The following TLN2 variants were observed in gnomAD, a reference collection of about 807,000 sequenced individuals.
TLN2 encodes the protein talin 2.
Under a neutral mutation model 294.7 loss-of-function variants are expected in TLN2, and 118 were observed. The ratio of observed to expected loss-of-function variants is 0.40; its 90% CI spans 0.34 to 0.47. The LOEUF is 0.47. Ranked by LOEUF, TLN2 falls within the 20% of genes least tolerant of loss-of-function variation. The probability of loss-of-function intolerance (pLI) is 0.84; values close to 1 mark genes in which losing one functional copy is unlikely to be tolerated. For synonymous variants in TLN2, 1,431 were observed against 1,304.5 expected (o/e 1.10, Z -2.09); for missense variants, 3,083 against 3,282.2 (o/e 0.94, Z 1.48).
At chr15:62,755,283 C>A in intron 36 of TLN2, 1 of 438,338 alleles carries the variant, frequency 2.3e-6, no homozygotes, top group East Asian at 4.3e-5. Flanking sequence ...TTTAAGACTA[C>A]CTGGGGCTCA....
Position 62,456,993 on chromosome 15 carries a change from C to T in TLN2, c.-238+66308C>T, listed in dbSNP as rs1016539099. Among the ~76,000 whole-genome samples the T allele has an allele frequency of 9.2e-5, 14 of 152,298 alleles. 1 individual carries two copies. Among genetic ancestry groups the T allele is most frequent in the Admixed American group, 7.8e-4 (12 of 15,304 alleles). ...GTGCCTCACAAGCTACTTTTTACAA[C>T]CTGTGAATGCTTGACACACTGTTTA... On this transcript the variant is annotated intron_variant, in intron 1 of 58. Coordinates refer to ENST00000636159, the MANE Select transcript of TLN2 (RefSeq NM_015059.3).
chr15:62,711,305 A>G (rs770131658), intron 21 of TLN2, among the ~76,000 whole-genome samples: 1 of 152,226 alleles, frequency 6.6e-6, no homozygotes, highest in African/African-American at 2.4e-5. Flanking sequence ...ATAATGCAAG[A>G]TCAAAATCAG....
At chr15:62,730,014 T>C (rs1045329245) in intron 28 of TLN2, among the ~76,000 whole-genome samples, 3 of 148,918 alleles carry the variant, frequency 2.0e-5, no homozygotes, top group African/African-American at 7.4e-5. Context: ...TTTCTTTCAA[T>C]TATTTTATTG....
intron 1 of TLN2, among the ~76,000 whole-genome samples, chr15:62,540,713 C>G (rs1036566464): frequency 1.3e-5 from 2 of 152,002 alleles, no homozygotes; most frequent in African/African-American, 4.8e-5. Context: ...TGCAATGGGC[C>G]TTTCTGCCTA....
At chr15:62,425,567 G>A (rs1257114042) in intron 1 of TLN2, among the ~76,000 whole-genome samples, 1 of 152,208 alleles carries the variant, frequency 6.6e-6, no homozygotes, top group Non-Finnish European at 1.5e-5. Context: ...TTACCAAGAG[G>A]ACTGGGAGAA....
intron 1 of TLN2, among the ~76,000 whole-genome samples, chr15:62,586,800 T>C (rs2045647770): frequency 6.6e-6 from 1 of 152,252 alleles, no homozygotes; most frequent in African/African-American, 2.4e-5. Flanking sequence ...CCCTTGTTAG[T>C]CAGGAATGAA....
chr15:62,726,299 A>T (rs1408412169), intron 27 of TLN2, among the ~76,000 whole-genome samples: 2 of 152,204 alleles, frequency 1.3e-5, no homozygotes, highest in Non-Finnish European at 2.9e-5. Flanking sequence ...ATTGGAAAGC[A>T]TTGCCTCTCT....
rs371925882 is a variant in TLN2, at chr15:62,800,361, C to G, written c.6235-7C>G. Reference sequence around the variant, plus strand: ...CCTGCTCACCTGAGTTCTGTGCTCTCTTTCAGGTGGTTTTGATCAATGCCA... The same window carrying G: ...CCTGCTCACCTGAGTTCTGTGCTCTGTTTCAGGTGGTTTTGATCAATGCCA... On this transcript the variant is annotated splice_polypyrimidine_tract_variant and splice_region_variant and intron_variant, in intron 48 of 58. Coordinates refer to ENST00000636159, the MANE Select transcript of TLN2 (RefSeq NM_015059.3). The G allele has an allele frequency of 6.2e-7, 1 of 1,613,234 alleles. No homozygotes were observed. Among genetic ancestry groups the G allele is most frequent in the African/African-American group, 1.3e-5 (1 of 74,918 alleles).
At chr15:62,685,899 C>G (rs931450047) in intron 11 of TLN2, among the ~76,000 whole-genome samples, 1 of 152,032 alleles carries the variant, frequency 6.6e-6, no homozygotes, top group Non-Finnish European at 1.5e-5. Flanking sequence ...GCATATTAAT[C>G]GTTTCCTTTA....
intron 1 of TLN2, among the ~76,000 whole-genome samples, chr15:62,400,597 A>G (rs2032944304): frequency 6.6e-6 from 1 of 152,134 alleles, no homozygotes; most frequent in South Asian, 2.1e-4. Context: ...CATGTCATAC[A>G]TGCATATTCA....
At chr15:62,762,240 C>A (rs2030040) in intron 38 of TLN2, 32 bp from the exon 39 acceptor site, 25 of 1,612,410 alleles carry the variant, frequency 1.6e-5, no homozygotes, top group South Asian at 5.5e-5. Context: ...GTCTTCGACC[C>A]TGACTTTGAT....
At chr15:62,619,713 G>C (rs763938473) in intron 3 of TLN2, among the ~76,000 whole-genome samples, 1 of 152,200 alleles carries the variant, frequency 6.6e-6, no homozygotes, top group Non-Finnish European at 1.5e-5. Context: ...GGCATGTGAA[G>C]ATGGAGCCCC....
chr15:62,455,459 G>C (rs533335365), intron 1 of TLN2, among the ~76,000 whole-genome samples: 1 of 152,302 alleles, frequency 6.6e-6, no homozygotes, highest in East Asian at 1.9e-4. Context: ...GTTGGTTAAA[G>C]ACTGGGGCAC....
chr15:62,812,118 G>A (rs1157141951), intron 52 of TLN2, among the ~76,000 whole-genome samples: 1 of 152,150 alleles, frequency 6.6e-6, no homozygotes, highest in Non-Finnish European at 1.5e-5. Flanking sequence ...CGGTGGGCTT[G>A]CAGCAGCAGT....
chr15:62,605,652 T>G (rs1361436561), intron 2 of TLN2, among the ~76,000 whole-genome samples: 1 of 152,162 alleles, frequency 6.6e-6, no homozygotes, highest in Non-Finnish European at 1.5e-5. Context: ...GCCTCCTCCA[T>G]GGGGAGATCT....
Position 62,836,059 on chromosome 15 carries a change from A to G in TLN2, c.7360A>G (p.Met2454Val), listed in dbSNP as rs981322612. ...GAAGGCCGACCAGGATTCAGAGGCC[A>G]TGAGGCGGCTACAGGTAATGGTCAC... ...KVKADQDSEAMRRLQAAGNAV... is the reference protein window; with the variant it reads ...KVKADQDSEAVRRLQAAGNAV... Residue 2454 changes from methionine (M) to valine (V), a missense_variant, in exon 57 of 59, where the codon ATG becomes GTG. Coordinates refer to ENST00000636159, the MANE Select transcript of TLN2 (RefSeq NM_015059.3). 1.2e-6 allele frequency: 2 copies of G among 1,610,534 alleles called. No individual in the cohort carries two copies. The highest frequency in any genetic ancestry group is 1.3e-5 in the African/African-American group (1 of 74,886).
intron 41 of TLN2, 112 bp downstream of exon 41, chr15:62,766,534 T>C: frequency 1.1e-6 from 1 of 950,778 alleles, no homozygotes; most frequent in East Asian, 2.6e-5. Context: ...GTATTGTGCC[T>C]GAGTCCAATG....
chr15:62,478,840 C>CT (rs2037927872), intron 1 of TLN2, among the ~76,000 whole-genome samples: 1 of 152,216 alleles, frequency 6.6e-6, no homozygotes, highest in Non-Finnish European at 1.5e-5. Context: ...TTTCATTAGG[C>CT]TTCTCAACTT....
At chr15:62,799,174 T>C (rs187059307) in intron 48 of TLN2, among the ~76,000 whole-genome samples, 117 of 152,256 alleles carry the variant, frequency 7.7e-4, no homozygotes, top group African/African-American at 2.7e-3. Context: ...GCCCTCATGC[T>C]CACCAGACTC....
Sources: gnomAD v4.1 joint callset for allele counts (sites outside exome capture counted in the v4.1 genomes callset) on GRCh38, gnomAD v4.1.1 for gene constraint, MANE v1.5 for transcripts, NCBI Gene and HGNC (gene_info 2026-07-23, HGNC 2026-07-21) for gene names.